GRK7: variants seen among roughly 807,000 people sequenced by gnomAD.
GRK7 encodes the protein rhodopsin kinase GRK7.
In GRK7, 24 loss-of-function variants were observed where a neutral mutation model predicts 34.1. The observed-to-expected ratio is 0.70, with a 90% CI of 0.51 to 0.99. The LOEUF is 0.99. Ranked by LOEUF, GRK7 falls within the 50% of genes least tolerant of loss-of-function variation. The pLI, the probability that GRK7 is intolerant of heterozygous loss-of-function variation, is 0.00. For missense variants in GRK7, 644 were observed against 707.3 expected (o/e 0.91, Z 1.02); for synonymous variants, 256 against 279.4 (o/e 0.92, Z 0.84).
rs183750736 is a variant in GRK7 at position 141,801,474 on chromosome 3, T to C, written c.1051-6171T>C. 3.1e-3 allele frequency among the ~76,000 whole-genome samples: 465 copies of C among 152,166 alleles called. 2 individuals are homozygous for C. The highest frequency in any genetic ancestry group is 0.011 in the African/African-American group (449 of 41,526). On this transcript the variant is annotated intron_variant, in intron 4 of 5. Transcript: ENST00000682958. ...GGGGAAAAAAGACAGAGGAGGAGCCTATAAAAGAGATTTAAGAGACAATCA... is the reference window on the plus strand; with the variant it reads ...GGGGAAAAAAGACAGAGGAGGAGCCCATAAAAGAGATTTAAGAGACAATCA...
intron 5 of GRK7, among the ~76,000 whole-genome samples, chr3:141,816,118 G>A (rs1711149911): frequency 1.3e-5 from 2 of 152,186 alleles, no homozygotes. Flanking sequence ...TTCTAGCATA[G>A]AGATGGAGGG....
the GRK7 span, among the ~76,000 whole-genome samples, chr3:141,757,129 C>CTTTTTTTTTTTTTTTTTTTTTTTT: frequency 3.9e-5 from 4 of 101,362 alleles, no homozygotes; most frequent in Admixed American, 1.1e-4. Context: ...AGATCTTCTT[C>CTTTTTTTTTTTTTTTTTTTTTTTT]TTTTTTTTTT....
At position 141,807,894 on chromosome 3, in the gene GRK7, A is replaced by G; in HGVS notation, c.1300A>G (p.Lys434Glu). The G allele has an allele frequency of 6.2e-7, 1 of 1,600,048 alleles. No individual in the cohort carries two copies. The highest frequency in any genetic ancestry group is 8.5e-7 in the Non-Finnish European group (1 of 1,172,220). Residue 434 changes from lysine (K) to glutamate (E), a missense_variant, in exon 5 of 6, where the codon AAA (lysine) becomes GAA (glutamate). By Grantham distance (56) the Lys-to-Glu change is moderately conservative. Transcript: ENST00000682958. Reference sequence around the variant, plus strand: ...TATTTGCAGGCTCTTCTTGGCTAAGAAACCAGAGCAACGCTTAGGAAGCAG... The same window carrying G: ...TATTTGCAGGCTCTTCTTGGCTAAGGAACCAGAGCAACGCTTAGGAAGCAG... ...KDICRLFLAKKPEQRLGSREK... is the reference protein window; with the variant it reads ...KDICRLFLAKEPEQRLGSREK...
chr3:141,760,244 G>A (rs2107867418), upstream of GRK7, among the ~76,000 whole-genome samples: 1 of 126,116 alleles, frequency 7.9e-6, no homozygotes, highest in African/African-American at 3.0e-5. Flanking sequence ...TTTCTCTTGT[G>A]GGCATTTAGT....
At chr3:141,758,819 C>A (rs997076517), upstream of GRK7, among the ~76,000 whole-genome samples, 1 of 151,594 alleles carries the variant, frequency 6.6e-6, no homozygotes, top group East Asian at 1.9e-4. Context: ...TTTGTATCCT[C>A]TTTTATTTCC....
In GRK7 at chr3:141,818,915, G is replaced by C. The variant is rs1711182292; in HGVS notation, c.*1865G>C. Among the ~76,000 whole-genome samples, 1 of 152,178 alleles carries C rather than the reference G, an allele frequency of 6.6e-6. No homozygotes were observed. Among genetic ancestry groups the C allele is most frequent in the South Asian group, 2.1e-4 (1 of 4,828 alleles). Reference sequence around the variant, plus strand: ...AAGCCCTCTGAGAGTTGAGGCCTCGGCCGGTGCACCTGCGGCTCACTTTCC... The same window carrying C: ...AAGCCCTCTGAGAGTTGAGGCCTCGCCCGGTGCACCTGCGGCTCACTTTCC... On this transcript the variant is annotated 3_prime_UTR_variant, in exon 6 of 6. Coordinates refer to ENST00000682958, the MANE Select transcript of GRK7 (RefSeq NM_139209.3).
intron 4 of GRK7, among the ~76,000 whole-genome samples, chr3:141,801,210 C>T (rs1710959094): frequency 6.8e-6 from 1 of 147,596 alleles, no homozygotes; most frequent in African/African-American, 2.5e-5. Context: ...ACTCGGGAGG[C>T]TGAGGCAGGA....
upstream of GRK7, among the ~76,000 whole-genome samples, chr3:141,759,379 T>G (rs1162150832): frequency 9.5e-6 from 1 of 105,602 alleles, no homozygotes; most frequent in African/African-American, 3.6e-5. Context: ...TTGTTGAATT[T>G]TGTCAAAGGC....
chr3:141,800,383 A>T (rs1455650090), intron 4 of GRK7, among the ~76,000 whole-genome samples: 2 of 25,980 alleles, frequency 7.7e-5, no homozygotes, highest in African/African-American at 1.1e-4. Flanking sequence ...TCATTTGTAA[A>T]AAAAAAAAAA....
intron 1 of GRK7, among the ~76,000 whole-genome samples, chr3:141,767,969 ACT>A (rs924790621): frequency 1.3e-5 from 2 of 152,068 alleles, no homozygotes; most frequent in African/African-American, 4.8e-5. Context: ...ATTCTATTTA[ACT>A]CTGTGATTAT....
At chr3:141,812,890 C>T (rs1013480775) in intron 5 of GRK7, among the ~76,000 whole-genome samples, 6 of 152,072 alleles carry the variant, frequency 3.9e-5, no homozygotes, top group Admixed American at 1.3e-4. Context: ...AATTCATGCC[C>T]GCCAGTGATC....
chr3:141,782,770 A>G lies in GRK7; in HGVS notation c.1050+1959A>G, dbSNP rs144994200. ...CAGTGAGCTGAGATCACACCACTGC[A>G]CTCTAGCCTGGGCTACAAAGCGAGA... On this transcript the variant is annotated intron_variant, in intron 4 of 5. Transcript: ENST00000682958. Among the ~76,000 whole-genome samples, 79 of 151,480 alleles carry G rather than the reference A, an allele frequency of 5.2e-4. No individual in the cohort carries two copies. In the East Asian group the frequency reaches 0.01, roughly 19 times the overall value.
chr3:141,761,944 C>T (rs550737574), upstream of GRK7, among the ~76,000 whole-genome samples: 13 of 127,228 alleles, frequency 1.0e-4, no homozygotes, highest in African/African-American at 1.3e-4. Flanking sequence ...ACGTAGTTCT[C>T]GAGCCTTGGT....
At chr3:141,775,704 A>C (rs1455117468) in intron 2 of GRK7, among the ~76,000 whole-genome samples, 1 of 152,184 alleles carries the variant, frequency 6.6e-6, no homozygotes, top group African/African-American at 2.4e-5. Context: ...TCCCATTGGC[A>C]ACTTTTACAT....
chr3:141,752,885 T>C, the GRK7 span, among the ~76,000 whole-genome samples: 1 of 152,162 alleles, frequency 6.6e-6, no homozygotes, highest in South Asian at 2.1e-4. Context: ...CCAAGAAAAC[T>C]ATGTAGGGAC....
intron 4 of GRK7, among the ~76,000 whole-genome samples, chr3:141,785,258 C>T (rs982528897): frequency 6.6e-6 from 1 of 152,112 alleles, no homozygotes; most frequent in African/African-American, 2.4e-5. Flanking sequence ...GTTATTTAGT[C>T]TTGTATAAGT....
chr3:141,778,827 C>A lies in GRK7; in HGVS notation c.543C>A (p.Phe181Leu), dbSNP rs141991963. ...ACAAGTTTCTGCAGTGGAAACTCTT[C>A]GAGATGCAACCAGTGTCAGACAAGT... Reference protein sequence around the residue: ...FYDKFLQWKLFEMQPVSDKYF... With the variant: ...FYDKFLQWKLLEMQPVSDKYF... The change falls in exon 3 of 6, where the codon TTC becomes TTA. Residue 181 changes from phenylalanine to leucine, a missense_variant. Coordinates refer to ENST00000682958, the MANE Select transcript of GRK7 (RefSeq NM_139209.3). This position sits in a 1 kb window ranked among gnomAD's most constrained non-coding sequence, Gnocchi z 4.1. 2 of 1,611,668 alleles carry A rather than the reference C, an allele frequency of 1.2e-6. No individual in the cohort carries two copies. The highest frequency in any genetic ancestry group is 2.7e-5 in the African/African-American group (2 of 74,860).
intron 5 of GRK7, among the ~76,000 whole-genome samples, chr3:141,814,259 A>G (rs1559849195): frequency 6.6e-6 from 1 of 152,166 alleles, no homozygotes; most frequent in Non-Finnish European, 1.5e-5. Flanking sequence ...TTCAGGGAGT[A>G]TATGTGCAGG....
the GRK7 span, among the ~76,000 whole-genome samples, chr3:141,756,085 G>A: frequency 6.6e-6 from 1 of 151,726 alleles, no homozygotes; most frequent in Non-Finnish European, 1.5e-5. Flanking sequence ...GCCGAGGTGA[G>A]CAGATCACTT....
Sources: gnomAD v4.1 joint callset for allele counts (sites outside exome capture counted in the v4.1 genomes callset) on GRCh38, gnomAD v4.1.1 for gene constraint, Gnocchi (gnomAD v3.1) non-coding constraint, MANE v1.5 for transcripts, NCBI Gene and HGNC (gene_info 2026-07-23, HGNC 2026-07-21) for gene names.